The following ZBTB7C variants were observed in gnomAD, a reference collection of about 807,000 sequenced individuals.
ZBTB7C encodes zinc finger and BTB domain containing 7C, also known as zinc finger and BTB domain-containing protein 7C.
ZBTB7C carries 8 observed loss-of-function variants against 25.7 expected under a neutral mutation model. That is an observed-to-expected ratio of 0.31 (90% CI 0.18 to 0.56). The LOEUF (loss-of-function observed/expected upper bound fraction) is 0.56. Among genes scored for constraint, ZBTB7C ranks in the 20% least tolerant of loss-of-function variants. The pLI is 0.91. For missense variants in ZBTB7C, 824 were observed against 855.2 expected, an observed-to-expected ratio of 0.96 and a Z score of 0.46; for synonymous variants, 394 against 369.0, an observed-to-expected ratio of 1.07 and a Z score of -0.78.
At chr18:48,202,915 A>C (rs1191812254) in intron 2 of ZBTB7C, among the ~76,000 whole-genome samples, 1 of 151,858 alleles carries the variant, frequency 6.6e-6, no homozygotes, top group Non-Finnish European at 1.5e-5. Flanking sequence ...CCTCCACAGA[A>C]GTCTCCAGCC....
At chr18:48,363,579 C>G (rs1024790264) in intron 1 of ZBTB7C, among the ~76,000 whole-genome samples, 1 of 151,998 alleles carries the variant, frequency 6.6e-6, no homozygotes, top group African/African-American at 2.4e-5. Context: ...TTTTGAAGCC[C>G]AGGAAAGAGA....
At chr18:48,078,636 C>G (rs1434484492) in intron 3 of ZBTB7C, among the ~76,000 whole-genome samples, 2 of 152,190 alleles carry the variant, frequency 1.3e-5, no homozygotes, top group African/African-American at 4.8e-5. Flanking sequence ...AACCTCCATT[C>G]TCACACCAGA....
intron 1 of ZBTB7C, among the ~76,000 whole-genome samples, chr18:48,389,424 G>C (rs532490890): frequency 6.9e-6 from 1 of 144,420 alleles, no homozygotes; most frequent in Non-Finnish European, 1.5e-5. Flanking sequence ...CCTAATGTGT[G>C]ACCCAGAGTC....
At chr18:48,127,567 T>C (rs1172113802) in intron 3 of ZBTB7C, among the ~76,000 whole-genome samples, 2 of 152,234 alleles carry the variant, frequency 1.3e-5, no homozygotes, top group African/African-American at 4.8e-5. Flanking sequence ...TCGCCTTCGA[T>C]GGCCCCCACT....
At chr18:48,307,079 T>C (rs774430835) in intron 2 of ZBTB7C, among the ~76,000 whole-genome samples, 3 of 152,192 alleles carry the variant, frequency 2.0e-5, no homozygotes, top group Non-Finnish European at 4.4e-5. Context: ...TTACTGTCCC[T>C]GTAATTGCTC....
intron 2 of ZBTB7C, among the ~76,000 whole-genome samples, chr18:48,268,091 T>C (rs2044366136): frequency 6.6e-6 from 1 of 152,252 alleles, no homozygotes; most frequent in Admixed American, 6.5e-5. Context: ...ATTTAGCAGA[T>C]ACTTTCAATA....
At chr18:48,099,711 A>T (rs1161893966) in intron 3 of ZBTB7C, among the ~76,000 whole-genome samples, 3 of 152,196 alleles carry the variant, frequency 2.0e-5, no homozygotes, top group Non-Finnish European at 4.4e-5. Context: ...AGGCGGTCCC[A>T]GCTGGTTCTC....
chr18:48,328,354 T>C (rs1442166488), intron 2 of ZBTB7C, among the ~76,000 whole-genome samples: 2 of 152,142 alleles, frequency 1.3e-5, no homozygotes, highest in Non-Finnish European at 2.9e-5. Context: ...ATTCCCTAAA[T>C]TGTAGATAGT....
rs189445680 is a variant in ZBTB7C, at chr18:48,199,639, C to T, written c.-78-13644G>A. Among the ~76,000 whole-genome samples the T allele has an allele frequency of 5.9e-5, 9 of 151,902 alleles. No individual in the cohort carries two copies. In the East Asian group the frequency reaches 1.7e-3, roughly 29 times the overall value. On this transcript the variant is annotated intron_variant, in intron 2 of 4. Transcript: ENST00000590800. ...ATAATTGTTTCCTTTTCCTCCCCCTCCTTCTCCCCCTCCCGCTCCTCCTCA... is the reference window on the plus strand; with the variant it reads ...ATAATTGTTTCCTTTTCCTCCCCCTTCTTCTCCCCCTCCCGCTCCTCCTCA...
chr18:48,404,396 G>A (rs960529332), intron 1 of ZBTB7C, among the ~76,000 whole-genome samples: 4 of 152,214 alleles, frequency 2.6e-5, no homozygotes, highest in African/African-American at 9.6e-5. Flanking sequence ...AAAAGGAGGT[G>A]GAAGGGTGGG....
At chr18:48,137,398 T>G (rs2040206414) in intron 3 of ZBTB7C, 1 of 939,820 alleles carries the variant, frequency 1.1e-6, no homozygotes, top group South Asian at 4.9e-5. Context: ...GTTCCTCCGT[T>G]TTGTTTTTTG....
chr18:48,274,810 C>T (rs2044596326), intron 2 of ZBTB7C, among the ~76,000 whole-genome samples: 1 of 152,236 alleles, frequency 6.6e-6, no homozygotes, highest in South Asian at 2.1e-4. Context: ...GGGCAGGAGG[C>T]TGATCTGCAG....
At chr18:48,263,955 G>T (rs1298968894) in intron 2 of ZBTB7C, among the ~76,000 whole-genome samples, 1 of 152,064 alleles carries the variant, frequency 6.6e-6, no homozygotes, top group Non-Finnish European at 1.5e-5. Context: ...TTTGTAAACG[G>T]CTAGTGACAT....
chr18:48,262,543 C>T (rs2044201557), intron 2 of ZBTB7C, among the ~76,000 whole-genome samples: 1 of 152,170 alleles, frequency 6.6e-6, no homozygotes, highest in African/African-American at 2.4e-5. Flanking sequence ...TGTGGAAATG[C>T]TCAGAAAACA....
At chr18:48,126,295 G>C (rs1216638318) in intron 3 of ZBTB7C, among the ~76,000 whole-genome samples, 1 of 152,054 alleles carries the variant, frequency 6.6e-6, no homozygotes, top group African/African-American at 2.4e-5. Context: ...GTCTAAGAAG[G>C]GTCTTATTAA....
intron 3 of ZBTB7C, among the ~76,000 whole-genome samples, chr18:48,092,474 G>A (rs1297156856): frequency 6.6e-6 from 1 of 152,224 alleles, no homozygotes; most frequent in Non-Finnish European, 1.5e-5. Flanking sequence ...AGACTAAATT[G>A]ATATACTCAA....
Position 48,249,166 on chromosome 18 carries a change from G to A in ZBTB7C, c.-78-63171C>T, listed in dbSNP as rs188398259. On this transcript the variant is annotated intron_variant, in intron 2 of 4. Transcript: ENST00000590800. ...CTAGTAGATTCATTCCAGAGTGATG[G>A]CACTGTATTAAATAATATTTTTGCA... is the stretch of plus-strand genomic sequence containing the variant. Among the ~76,000 whole-genome samples the A allele has an allele frequency of 5.2e-3, 791 of 152,282 alleles. 3 individuals carry two copies. Among genetic ancestry groups the A allele is most frequent in the Non-Finnish European group, 8.9e-3 (607 of 68,022 alleles).
At chr18:48,382,046 A>G (rs1341716572) in intron 1 of ZBTB7C, among the ~76,000 whole-genome samples, 1 of 152,248 alleles carries the variant, frequency 6.6e-6, no homozygotes, top group African/African-American at 2.4e-5. Flanking sequence ...AATAAATTGG[A>G]AACAATAATA....
At chr18:48,108,189 G>A (rs1239349441) in intron 3 of ZBTB7C, among the ~76,000 whole-genome samples, 1 of 152,182 alleles carries the variant, frequency 6.6e-6, no homozygotes, top group African/African-American at 2.4e-5. Context: ...TCATGGATGG[G>A]ACAGGACTTG....
Sources: gnomAD v4.1 joint callset for allele counts (sites outside exome capture counted in the v4.1 genomes callset) on GRCh38, gnomAD v4.1.1 for gene constraint, MANE v1.5 for transcripts, NCBI Gene and HGNC (gene_info 2026-07-23, HGNC 2026-07-21) for gene names.